SLC44A3: variants seen among roughly 807,000 people sequenced by gnomAD.
The protein encoded by SLC44A3 is choline transporter-like protein 3.
SLC44A3 carries 74 observed loss-of-function variants against 75.4 expected under a neutral mutation model. The observed-to-expected ratio is 0.98, with a 90% CI of 0.81 to 1.19. The LOEUF (loss-of-function observed/expected upper bound fraction) is 1.19, where lower values mean the gene tolerates loss of function less well. SLC44A3 is among the 50% of genes most tolerant of loss of function. The probability of loss-of-function intolerance (pLI) is 0.00; values close to 1 mark genes in which losing one functional copy is unlikely to be tolerated. For synonymous variants in SLC44A3, 310 were observed against 296.9 expected (o/e 1.04, Z -0.45); for missense variants, 700 against 778.6 (o/e 0.90, Z 1.20).
intron 13 of SLC44A3, among the ~76,000 whole-genome samples, chr1:94,891,851 A>C (rs774917357): frequency 5.3e-5 from 8 of 151,184 alleles, no homozygotes; most frequent in Non-Finnish European, 1.2e-4. Context: ...TGAACCTGGG[A>C]GGCGGAGGTT....
intron 1 of SLC44A3, 139 bp downstream of exon 1, chr1:94,820,617 C>T: frequency 2.2e-6 from 3 of 1,365,054 alleles, no homozygotes; most frequent in Non-Finnish European, 2.8e-6. Flanking sequence ...TACCTTGGGG[C>T]CACCTGGCGG....
rs149933452 is a variant in SLC44A3 at position 94,883,092 on chromosome 1, C to T, written c.1483-8038C>T. 8.9e-4 allele frequency among the ~76,000 whole-genome samples: 135 copies of T among 151,230 alleles called. 1 individual carries two copies. The highest frequency in any genetic ancestry group is 3.1e-3 in the African/African-American group (129 of 41,178). ...CAGAAGGCATTTCAGCAGAGAGAACCGCATCTGTGAGTGGAGGAACCGCAA... is the reference window on the plus strand; with the variant it reads ...CAGAAGGCATTTCAGCAGAGAGAACTGCATCTGTGAGTGGAGGAACCGCAA... On this transcript the variant is annotated intron_variant, in intron 12 of 14. Transcript: ENST00000271227.
At chr1:94,867,566 T>G (rs1463875840) in intron 12 of SLC44A3, 149 bp downstream of exon 12, 1 of 479,270 alleles carries the variant, frequency 2.1e-6, no homozygotes, top group Middle Eastern at 3.0e-4. Context: ...TCACAACCAC[T>G]CAATTCTGCC....
intron 9 of SLC44A3, among the ~76,000 whole-genome samples, chr1:94,848,237 A>AG (rs1664714626): frequency 6.6e-6 from 1 of 151,596 alleles, no homozygotes; most frequent in Admixed American, 6.6e-5. Flanking sequence ...TCAAAAAAAA[A>AG]AAAAAATAGG....
chr1:94,871,784 G>A (rs1286705621), intron 12 of SLC44A3, among the ~76,000 whole-genome samples: 1 of 152,174 alleles, frequency 6.6e-6, no homozygotes, highest in African/African-American at 2.4e-5. Flanking sequence ...ATACAACAAG[G>A]AGCTGTTTGC....
chr1:94,848,228 C>CAAAAAA (rs11372681), intron 9 of SLC44A3, among the ~76,000 whole-genome samples: 42 of 139,050 alleles, frequency 3.0e-4, no homozygotes, highest in African/African-American at 1.1e-3. Flanking sequence ...GACTCTGTCT[C>CAAAAAA]AAAAAAAAAA....
chr1:94,835,277 C>G (rs1042669608), intron 5 of SLC44A3, among the ~76,000 whole-genome samples: 1 of 152,142 alleles, frequency 6.6e-6, no homozygotes, highest in African/African-American at 2.4e-5. Flanking sequence ...TAGCAAGACT[C>G]TGTCTCTACA....
chr1:94,858,673 G>GTGTTTGTTTGTTTGTTTGTT (rs59998353), intron 10 of SLC44A3, among the ~76,000 whole-genome samples: 1 of 149,792 alleles, frequency 6.7e-6, no homozygotes, highest in African/African-American at 2.5e-5. Context: ...GCACTGTCGG[G>GTGTTTGTTTGTTTGTTTGTT]TGTTTGTTTG....
At chr1:94,827,372 T>G in intron 3 of SLC44A3, 135 bp from the exon 4 acceptor site, 1 of 1,135,974 alleles carries the variant, frequency 8.8e-7, no homozygotes, top group East Asian at 2.4e-5. Flanking sequence ...AATGTTCAAT[T>G]ATGCTGAAAC....
At position 94,820,416 on chromosome 1, in the gene SLC44A3, G is replaced by T; in HGVS notation, c.-36G>T. On this transcript the variant is annotated 5_prime_UTR_variant, in exon 1 of 15. Coordinates refer to ENST00000271227, the MANE Select transcript of SLC44A3 (RefSeq NM_001114106.3). ...GTCTCCGCGTACAGGAGGCGGCGGC[G>T]GCTCCCAGTCACCGGCCCCCGCCGG... 1 of 1,446,816 alleles carries T rather than the reference G, an allele frequency of 6.9e-7. No individual in the cohort carries two copies. The highest frequency in any genetic ancestry group is 2.6e-5 in the Admixed American group (1 of 39,206). 89.6% of individuals were successfully genotyped at this position (1,446,816 alleles called of 1,614,324 possible). A position where few individuals can be genotyped will look rare whatever the true frequency, so the allele number is the denominator to read the frequency against.
chr1:94,859,623 A>G (rs1486461654), intron 10 of SLC44A3, among the ~76,000 whole-genome samples: 1 of 152,240 alleles, frequency 6.6e-6, no homozygotes, highest in Non-Finnish European at 1.5e-5. Flanking sequence ...CCCAAATTCC[A>G]CACCAGCTGA....
At chr1:94,860,653 A>G (rs1300912883) in intron 10 of SLC44A3, among the ~76,000 whole-genome samples, 1 of 152,212 alleles carries the variant, frequency 6.6e-6, no homozygotes, top group African/African-American at 2.4e-5. Context: ...ATTATTTCCA[A>G]CCTAGAATTG....
intron 10 of SLC44A3, among the ~76,000 whole-genome samples, chr1:94,861,254 A>T (rs937399813): frequency 4.6e-5 from 7 of 152,182 alleles, no homozygotes; most frequent in African/African-American, 1.7e-4. Context: ...GTGTGAGGAG[A>T]TTGGGGGAGT....
At chr1:94,875,257 C>T (rs1313687944) in intron 12 of SLC44A3, among the ~76,000 whole-genome samples, 1 of 152,234 alleles carries the variant, frequency 6.6e-6, no homozygotes, top group Non-Finnish European at 1.5e-5. Flanking sequence ...TCCCTGACCA[C>T]AGAAACCCAA....
chr1:94,849,372 T>C (rs1001181196), intron 9 of SLC44A3, among the ~76,000 whole-genome samples: 2 of 151,782 alleles, frequency 1.3e-5, no homozygotes, highest in Non-Finnish European at 2.9e-5. Flanking sequence ...CCCGCTGGGG[T>C]CAGGCATCAT....
intron 5 of SLC44A3, among the ~76,000 whole-genome samples, chr1:94,835,089 T>G (rs991647080): frequency 6.6e-6 from 1 of 152,180 alleles, no homozygotes; most frequent in African/African-American, 2.4e-5. Context: ...TTAAGGGACA[T>G]TTTACAAAAT....
chr1:94,824,412 T>C, intron 2 of SLC44A3, 81 bp from the exon 3 acceptor site: 3 of 1,467,516 alleles, frequency 2.0e-6, no homozygotes, highest in Non-Finnish European at 2.7e-6. Flanking sequence ...AGGCTCCGTT[T>C]TATATCAGCA....
intron 12 of SLC44A3, among the ~76,000 whole-genome samples, chr1:94,879,185 A>G (rs2101592583): frequency 6.6e-6 from 1 of 150,948 alleles, no homozygotes; most frequent in East Asian, 2.0e-4. Flanking sequence ...CAAAATACAT[A>G]AGGAACTTCT....
chr1:94,825,274 A>G (rs1419400831), intron 3 of SLC44A3, among the ~76,000 whole-genome samples: 1 of 152,236 alleles, frequency 6.6e-6, no homozygotes, highest in African/African-American at 2.4e-5. Flanking sequence ...CCTTGTAAGA[A>G]TTTTTAAGAT....
Sources: gnomAD v4.1 joint callset for allele counts (sites outside exome capture counted in the v4.1 genomes callset) on GRCh38, gnomAD v4.1.1 for gene constraint, MANE v1.5 for transcripts, NCBI Gene and HGNC (gene_info 2026-07-23, HGNC 2026-07-21) for gene names.